Variants in ADAM12 observed in about 807,000 individuals in gnomAD.
ADAM12 encodes the protein disintegrin and metalloproteinase domain-containing protein 12.
A neutral mutation model predicts 106.4 loss-of-function variants in ADAM12; 70 were observed. That is an observed-to-expected ratio of 0.66 (90% CI 0.54 to 0.80). ADAM12 has a LOEUF of 0.80. Among genes scored for constraint, ADAM12 ranks in the 30% least tolerant of loss-of-function variants. ADAM12 has a pLI of 0.00. For missense variants in ADAM12, 1,010 were observed against 1,171.9 expected (o/e 0.86, Z 2.02); for synonymous variants, 420 against 433.5 (o/e 0.97, Z 0.39).
intron 3 of ADAM12, among the ~76,000 whole-genome samples, chr10:126,270,409 C>T (rs1959169616): frequency 6.6e-6 from 1 of 152,176 alleles, no homozygotes; most frequent in African/African-American, 2.4e-5. Context: ...CTGCTAGCCC[C>T]AGTGCTGTCC....
At chr10:126,077,850 A>G (rs1411294400) in intron 11 of ADAM12, among the ~76,000 whole-genome samples, 2 of 152,168 alleles carry the variant, frequency 1.3e-5, no homozygotes, top group African/African-American at 4.8e-5. Flanking sequence ...AAGCAGGCAA[A>G]GGTCTGCTCC....
chr10:126,081,104 C>A (rs1377532664), intron 11 of ADAM12, among the ~76,000 whole-genome samples: 1 of 149,210 alleles, frequency 6.7e-6, no homozygotes, highest in Non-Finnish European at 1.5e-5. Context: ...TTCAAGGGGG[C>A]TGCAGGTCAG....
intron 14 of ADAM12, among the ~76,000 whole-genome samples, chr10:126,058,242 C>A (rs1954675695): frequency 6.6e-6 from 1 of 152,234 alleles, no homozygotes; most frequent in Admixed American, 6.5e-5. Flanking sequence ...GGCAGGGATG[C>A]TGCCTCGGGC....
chr10:126,118,478 T>G (rs1023700501), intron 5 of ADAM12, among the ~76,000 whole-genome samples: 3 of 152,238 alleles, frequency 2.0e-5, no homozygotes, highest in Admixed American at 6.5e-5. Flanking sequence ...TGCATTTTGC[T>G]TTTGTATGTT....
At chr10:126,262,656 C>T (rs2133713074) in intron 3 of ADAM12, among the ~76,000 whole-genome samples, 1 of 152,284 alleles carries the variant, frequency 6.6e-6, no homozygotes, top group African/African-American at 2.4e-5. Flanking sequence ...CATCACTTGG[C>T]TTAAAAAATA....
chr10:126,103,097 G>C (rs1955699151), intron 8 of ADAM12, among the ~76,000 whole-genome samples: 1 of 152,172 alleles, frequency 6.6e-6, no homozygotes, highest in African/African-American at 2.4e-5. Flanking sequence ...AGGACTAATT[G>C]TCATCATTCC....
chr10:126,070,879 A>G (rs539918007), intron 12 of ADAM12, among the ~76,000 whole-genome samples: 78 of 152,326 alleles, frequency 5.1e-4, no homozygotes, highest in Non-Finnish European at 8.4e-4. Flanking sequence ...CTTGGGCCCT[A>G]TTAAAACAAG....
chr10:126,041,376 G>A (rs1042120523), intron 18 of ADAM12: 6 of 985,672 alleles, frequency 6.1e-6, no homozygotes, highest in African/African-American at 1.7e-5. Context: ...ATGCAGTAAT[G>A]GCCACGGGGG....
At chr10:126,020,671 C>G (rs987475704) in intron 21 of ADAM12, among the ~76,000 whole-genome samples, 1 of 151,966 alleles carries the variant, frequency 6.6e-6, no homozygotes, top group East Asian at 1.9e-4. Flanking sequence ...TCCTTCATGC[C>G]GCAATTTAAA....
At chr10:126,018,330 T>C (rs571352279) in intron 22 of ADAM12, among the ~76,000 whole-genome samples, 11 of 152,312 alleles carry the variant, frequency 7.2e-5, no homozygotes, top group South Asian at 2.1e-4. Context: ...CTGGTAAATG[T>C]TGAACAGCCC....
chr10:126,031,889 A>C (rs1467150971), intron 21 of ADAM12, among the ~76,000 whole-genome samples: 1 of 152,186 alleles, frequency 6.6e-6, no homozygotes, highest in Admixed American at 6.5e-5. Flanking sequence ...TTCCTCTAAT[A>C]TAGCTGATGG....
intron 5 of ADAM12, among the ~76,000 whole-genome samples, chr10:126,123,450 C>T (rs146841295): frequency 5.6e-4 from 85 of 152,242 alleles, no homozygotes; most frequent in Non-Finnish European, 9.7e-4. Flanking sequence ...AGATGAAGAC[C>T]GTGGGTCCCT....
Position 126,129,251 on chromosome 10 carries a change from C to T in ADAM12, c.416+6333G>A, listed in dbSNP as rs116761442. The stretch of plus-strand genomic sequence containing the variant: ...GATACCTGAGTCAGAGCTGAGAGAG[C>T]GGGGCAAGAGAACCAGAAAAATTAG... On this transcript the variant is annotated intron_variant, in intron 5 of 22. Coordinates refer to ENST00000448723, the MANE Select transcript of ADAM12 (RefSeq NM_001288973.2). Among the ~76,000 whole-genome samples, 1,079 of 152,316 alleles carry T rather than the reference C, an allele frequency of 7.1e-3. 12 individuals carry two copies. Among genetic ancestry groups the T allele is most frequent in the African/African-American group, 0.024 (996 of 41,568 alleles).
chr10:126,165,416 C>T (rs910716605), intron 3 of ADAM12, among the ~76,000 whole-genome samples: 5 of 152,230 alleles, frequency 3.3e-5, no homozygotes, highest in African/African-American at 1.2e-4. Context: ...CTCAGCCTCC[C>T]AAAGTGCTGG....
At chr10:126,187,488 A>G (rs537249606) in intron 3 of ADAM12, among the ~76,000 whole-genome samples, 11 of 152,264 alleles carry the variant, frequency 7.2e-5, no homozygotes, top group African/African-American at 2.6e-4. Flanking sequence ...AAGTGGCTGT[A>G]TTTGATGTCT....
At chr10:126,327,873 A>T (rs554815303) in intron 2 of ADAM12, among the ~76,000 whole-genome samples, 1 of 152,168 alleles carries the variant, frequency 6.6e-6, no homozygotes, top group East Asian at 1.9e-4. Flanking sequence ...GAGTTCACAC[A>T]TGGGAGGAGC....
chr10:126,215,100 T>C (rs117866675), intron 3 of ADAM12, among the ~76,000 whole-genome samples: 2,872 of 152,288 alleles, frequency 0.019, 41 homozygotes, highest in Middle Eastern at 0.038. Context: ...CAGGCCAGCC[T>C]CCCCATACCC....
chr10:126,146,040 G>A (rs937213699), intron 4 of ADAM12, among the ~76,000 whole-genome samples: 8 of 152,178 alleles, frequency 5.3e-5, no homozygotes, highest in Admixed American at 6.5e-5. Flanking sequence ...AGGCCGGTGC[G>A]GGGTCTGGAT....
At chr10:126,321,690 C>T (rs948996756) in intron 2 of ADAM12, among the ~76,000 whole-genome samples, 3 of 152,168 alleles carry the variant, frequency 2.0e-5, no homozygotes, top group Non-Finnish European at 2.9e-5. Flanking sequence ...AGGGAGAGAG[C>T]GCTGGCGAGT....
Sources: allele counts gnomAD v4.1 joint callset (sites outside exome capture counted in the v4.1 genomes callset), GRCh38; gene constraint gnomAD v4.1.1; transcripts MANE v1.5; gene names NCBI Gene and HGNC (gene_info 2026-07-23, HGNC 2026-07-21).